Variants in ATP7B observed in about 807,000 individuals in gnomAD.
ATP7B encodes copper-transporting ATPase 2.
ATP7B carries 113 observed loss-of-function variants against 118.9 expected under a neutral mutation model. That is an observed-to-expected ratio of 0.95 (90% CI 0.82 to 1.11). ATP7B has a LOEUF of 1.11. Among genes scored for constraint, ATP7B ranks in the 50% most tolerant of loss-of-function variants. The pLI, the probability that ATP7B is intolerant of heterozygous loss-of-function variation, is 0.00. For missense variants in ATP7B, 1,867 were observed against 1,871.4 expected, an observed-to-expected ratio of 1.00 and a Z score of 0.04; for synonymous variants, 777 against 727.4, an observed-to-expected ratio of 1.07 and a Z score of -1.10.
chr13:51,992,728 A>G (rs1000088261), intron 1 of ATP7B, among the ~76,000 whole-genome samples: 1 of 152,190 alleles, frequency 6.6e-6, no homozygotes, highest in Non-Finnish European at 1.5e-5. Context: ...CTGTAATCCC[A>G]GCACTTTGGA....
intron 3 of ATP7B, 140 bp downstream of exon 3, chr13:51,970,352 G>C: frequency 8.3e-7 from 1 of 1,209,586 alleles, no homozygotes; most frequent in Non-Finnish European, 1.2e-6. Flanking sequence ...AAGGACATTA[G>C]ACAAACATTT....
intron 13 of ATP7B, 76 bp from the exon 14 acceptor site, chr13:51,944,367 C>T (rs376643266): frequency 1.9e-5 from 30 of 1,567,876 alleles, no homozygotes; most frequent in South Asian, 1.6e-4. Flanking sequence ...TGAGGCAGAA[C>T]TTCACCCAAC....
At chr13:51,975,693 A>G in intron 1 of ATP7B, 1 of 444,616 alleles carries the variant, frequency 2.2e-6, no homozygotes, top group Non-Finnish European at 4.5e-6. Context: ...TTATCTTAGC[A>G]GAGGTTAAAT....
Position 51,975,021 on chromosome 13 carries a change from T to C in ATP7B, c.199A>G (p.Met67Val). 1.2e-6 allele frequency: 2 copies of C among 1,614,220 alleles called. No homozygotes were observed. Among genetic ancestry groups the C allele is most frequent in the Non-Finnish European group, 1.7e-6 (2 of 1,180,040 alleles). ...GACTTCACACATGACTGGCAAGTCA[T>C]GCCCAAGATCCTGACTGTGCTGGTG... ...VATSTVRILG[M>V]TCQSCVKSIE... The change falls in exon 2 of 21, where the codon ATG (methionine) becomes GTG (valine). Residue 67 changes from methionine (M) to valine (V), a missense_variant. Coordinates refer to ENST00000242839, the MANE Select transcript of ATP7B (RefSeq NM_000053.4).
intron 1 of ATP7B, among the ~76,000 whole-genome samples, chr13:51,983,016 G>T (rs1348624303): frequency 6.6e-6 from 1 of 152,148 alleles, no homozygotes; most frequent in East Asian, 1.9e-4. Flanking sequence ...CTAGCTGCAG[G>T]AGTTTTTTTT....
Position 51,961,879 on chromosome 13 carries a change from T to A in ATP7B, c.1904A>T (p.Asn635Ile). The A allele has an allele frequency of 6.2e-7, 1 of 1,614,100 alleles. No individual in the cohort carries two copies. Among genetic ancestry groups the A allele is most frequent in the South Asian group, 1.1e-5 (1 of 91,074 alleles). Residue 635 changes from asparagine to isoleucine, a missense_variant, in exon 6 of 21, where the codon AAC (asparagine) becomes ATC (isoleucine). Transcript: ENST00000242839. ...IGFHASLAQR[N>I]PNAHHLDHKM... ...GTGGTCCAAGTGATGAGCGTTGGGG[T>A]TTCTCTGGGCCAGGGAAGCATGAAA... is the stretch of plus-strand genomic sequence containing the variant.
intron 1 of ATP7B, among the ~76,000 whole-genome samples, chr13:51,990,229 A>G (rs1207453531): frequency 6.6e-6 from 1 of 152,072 alleles, no homozygotes; most frequent in Non-Finnish European, 1.5e-5. Context: ...ATTTTGCCTA[A>G]TTGCTCTTCA....
rs552029806 is a variant in ATP7B at position 51,962,913 on chromosome 13, G to A, written c.1870-1000C>T. On this transcript the variant is annotated intron_variant, in intron 5 of 20. Coordinates refer to ENST00000242839, the MANE Select transcript of ATP7B (RefSeq NM_000053.4). ...TCGAGACCAGCCTGACAAACATGGC[G>A]AAACCCCATCTCTACTAAAAATACA... is the stretch of plus-strand genomic sequence containing the variant. 2.6e-5 allele frequency among the ~76,000 whole-genome samples: 4 copies of A among 152,104 alleles called. No homozygotes were observed. The East Asian group carries it at 5.8e-4, about 22-fold the overall frequency.
chr13:51,981,749 T>A lies in ATP7B; in HGVS notation c.52-6581A>T, dbSNP rs542640166. Among the ~76,000 whole-genome samples the A allele has an allele frequency of 1.6e-4, 25 of 152,266 alleles. No individual in the cohort carries two copies. In the South Asian group the frequency reaches 4.4e-3, roughly 27 times the overall value. The stretch of plus-strand genomic sequence containing the variant: ...AAACGTAAATATCAGTAGAGAAAAT[T>A]CAGGTTATCTTTTGGTGAGTTATGA... On this transcript the variant is annotated intron_variant, in intron 1 of 20. Coordinates refer to ENST00000242839, the MANE Select transcript of ATP7B (RefSeq NM_000053.4).
rs771069526 is a variant in ATP7B, at chr13:51,949,969, G to A, written c.2730+38C>T. The A allele has an allele frequency of 1.5e-5, 24 of 1,613,812 alleles. 1 individual carries two copies. Among genetic ancestry groups the A allele is most frequent in the Middle Eastern group, 3.3e-4 (2 of 6,062 alleles). ...GAACTCTTCACATAATTTCTAAAAC[G>A]AGAAAGATGAAGTTAGTTTTAAAAA... On this transcript the variant is annotated intron_variant, in intron 11 of 20. Coordinates refer to ENST00000242839, the MANE Select transcript of ATP7B (RefSeq NM_000053.4).
intron 9 of ATP7B, among the ~76,000 whole-genome samples, chr13:51,955,040 A>C (rs1958248881): frequency 6.6e-6 from 1 of 152,170 alleles, no homozygotes; most frequent in African/African-American, 2.4e-5. Context: ...GCACCTAGAA[A>C]CGCTGCCAGC....
chr13:51,950,095 C>G lies in ATP7B; in HGVS notation c.2642G>C (p.Gly881Ala). The G allele has an allele frequency of 6.2e-7, 1 of 1,614,210 alleles. No individual in the cohort carries two copies. Among genetic ancestry groups the G allele is most frequent in the Non-Finnish European group, 8.5e-7 (1 of 1,180,052 alleles). ...GTGGGTAGCTTTAATGAGCACAGAG[C>G]CATGTGCATTTATAGACCCCGCAAT... is the stretch of plus-strand genomic sequence containing the variant. Reference protein sequence around the residue: ...TVIAGSINAHGSVLIKATHVG... With the variant: ...TVIAGSINAHASVLIKATHVG... Residue 881 changes from glycine to alanine, a missense_variant, in exon 11 of 21, where the codon GGC becomes GCC. By Grantham distance (60) the Gly-to-Ala change is moderately conservative. Coordinates refer to ENST00000242839, the MANE Select transcript of ATP7B (RefSeq NM_000053.4).
rs1555282191 is a variant in ATP7B, at chr13:51,934,870, C to CA, written c.4283dup (p.Ser1429ValfsTer20). ...TGTCGGACGTCAGGGAGGACAGCGA[C>CA]ACCTGGCTGACATAGCTGACCTGGT... On this transcript the variant is annotated frameshift_variant, in exon 21 of 21. Coordinates refer to ENST00000242839, the MANE Select transcript of ATP7B (RefSeq NM_000053.4). LOFTEE classifies it high-confidence loss of function. 2 of 1,614,222 alleles carry CA rather than the reference C, an allele frequency of 1.2e-6. No homozygotes were observed. The highest frequency in any genetic ancestry group is 1.7e-6 in the Non-Finnish European group (2 of 1,180,052).
intron 5 of ATP7B, among the ~76,000 whole-genome samples, chr13:51,964,490 T>C (rs1285135493): frequency 6.6e-6 from 1 of 152,186 alleles, no homozygotes; most frequent in Admixed American, 6.5e-5. Context: ...GTGGATCATT[T>C]TTTCCAAGGC....
At chr13:51,979,937 C>G (rs1467604967) in intron 1 of ATP7B, among the ~76,000 whole-genome samples, 1 of 152,176 alleles carries the variant, frequency 6.6e-6, no homozygotes, top group Non-Finnish European at 1.5e-5. Flanking sequence ...GAAGACAAAG[C>G]CTTGCAAATA....
At position 51,935,629 on chromosome 13, in the gene ATP7B, G is replaced by C. The variant is rs776848753; in HGVS notation, c.4088C>G (p.Ser1363Cys). The change falls in exon 20 of 21, where the codon TCT becomes TGT. Residue 1363 changes from serine (S) to cysteine (C), a missense_variant. Coordinates refer to ENST00000242839, the MANE Select transcript of ATP7B (RefSeq NM_000053.4). Reference sequence around the variant, plus strand: ...CAGGGATGAGAGCACCACAGACACAGAGGAGGCTGCCATGGCCGCTGAGCC... The same window carrying C: ...CAGGGATGAGAGCACCACAGACACACAGGAGGCTGCCATGGCCGCTGAGCC... ...WMGSAAMAAS[S>C]VSVVLSSLQL... 5.0e-6 allele frequency: 8 copies of C among 1,613,758 alleles called. No homozygotes were observed. The highest frequency in any genetic ancestry group is 1.3e-5 in the African/African-American group (1 of 74,952).
chr13:51,966,853 A>G, intron 4 of ATP7B: 2 of 1,613,182 alleles, frequency 1.2e-6, no homozygotes, highest in Non-Finnish European at 1.7e-6. Context: ...AATGGGCGCA[A>G]TGGCCAAGCC....
intron 1 of ATP7B, among the ~76,000 whole-genome samples, chr13:52,009,297 C>T (rs970046893): frequency 3.3e-5 from 5 of 152,154 alleles, no homozygotes; most frequent in Non-Finnish European, 7.4e-5. Context: ...ATTGACGCAG[C>T]CAGTTTTTCT....
In ATP7B at chr13:51,934,780, G is replaced by T; in HGVS notation, c.4374C>A (p.Gly1458=). 6.2e-7 allele frequency: 1 copy of T among 1,613,960 alleles called. No individual in the cohort carries two copies. Residue 1458 remains glycine (G), a synonymous_variant, in exon 21 of 21, where the codon GGC becomes GGA. Transcript: ENST00000242839. ...ATCAGATGTACTGCTCCTCATCCCTGCCATTCAGGAGCAGAGACCACTTGT... is the reference window on the plus strand; with the variant it reads ...ATCAGATGTACTGCTCCTCATCCCTTCCATTCAGGAGCAGAGACCACTTGT... ...DGDKWSLLLN[G]RDEEQYI
Sources: gnomAD v4.1 joint callset for allele counts (sites outside exome capture counted in the v4.1 genomes callset) on GRCh38, gnomAD v4.1.1 for gene constraint, MANE v1.5 for transcripts, NCBI Gene and HGNC (gene_info 2026-07-23, HGNC 2026-07-21) for gene names.